The following PCDH9 variants were observed in gnomAD, a reference collection of about 807,000 sequenced individuals.
PCDH9 encodes protocadherin 9.
Under a neutral mutation model 70.6 loss-of-function variants are expected in PCDH9, and 24 were observed. That is an observed-to-expected ratio of 0.34 (90% CI 0.25 to 0.48). The LOEUF (loss-of-function observed/expected upper bound fraction) is 0.48. PCDH9 is among the 20% of genes least tolerant of loss of function. The pLI, the probability that PCDH9 is intolerant of heterozygous loss-of-function variation, is 0.99. For synonymous variants in PCDH9, 562 were observed against 558.5 expected (o/e 1.01, Z -0.09); for missense variants, 1,281 against 1,503.6 (o/e 0.85, Z 2.45).
intron 2 of PCDH9, among the ~76,000 whole-genome samples, chr13:66,921,152 CA>C (rs2139643271): frequency 6.6e-6 from 1 of 151,160 alleles, no homozygotes; most frequent in African/African-American, 2.4e-5. Context: ...AATCTAAGAG[CA>C]GATAACTGAG....
chr13:66,931,004 C>A (rs896805871), intron 2 of PCDH9, among the ~76,000 whole-genome samples: 3 of 152,140 alleles, frequency 2.0e-5, no homozygotes, highest in African/African-American at 7.2e-5. Flanking sequence ...CATTAAGTGG[C>A]AGCACACACT....
At chr13:67,085,852 C>T (rs1019388706) in intron 2 of PCDH9, among the ~76,000 whole-genome samples, 1 of 152,160 alleles carries the variant, frequency 6.6e-6, no homozygotes, top group African/African-American at 2.4e-5. Flanking sequence ...GCCTAGTTAA[C>T]ATGAATGAAT....
At chr13:67,212,354 TA>T (rs1272039468) in intron 2 of PCDH9, 2 of 152,060 alleles carry the variant, frequency 1.3e-5, no homozygotes, top group African/African-American at 4.8e-5. Flanking sequence ...AGTGAACTCA[TA>T]TTTTTTTTAA....
intron 2 of PCDH9, among the ~76,000 whole-genome samples, chr13:66,910,062 T>C (rs912639344): frequency 3.9e-5 from 6 of 152,172 alleles, no homozygotes; most frequent in Non-Finnish European, 7.3e-5. Flanking sequence ...ATTCCAGATC[T>C]TTCCACCTAG....
chr13:66,361,167 A>G (rs1268523493), intron 4 of PCDH9, among the ~76,000 whole-genome samples: 4 of 152,158 alleles, frequency 2.6e-5, no homozygotes, highest in African/African-American at 9.7e-5. Flanking sequence ...CTACGGACCC[A>G]CAATGACTTT....
chr13:66,533,533 A>C (rs1296285015), intron 4 of PCDH9, among the ~76,000 whole-genome samples: 1 of 152,118 alleles, frequency 6.6e-6, no homozygotes, highest in African/African-American at 2.4e-5. Context: ...TGTTCCCTGG[A>C]TCCTAAGATT....
chr13:66,983,296 T>A (rs900065726), intron 2 of PCDH9, among the ~76,000 whole-genome samples: 3 of 151,950 alleles, frequency 2.0e-5, no homozygotes, highest in Non-Finnish European at 1.5e-5. Flanking sequence ...CATAAAAAAA[T>A]TTAAAAATTA....
intron 4 of PCDH9, among the ~76,000 whole-genome samples, chr13:66,305,927 A>T (rs1955457311): frequency 6.6e-6 from 1 of 152,104 alleles, no homozygotes; most frequent in Admixed American, 6.6e-5. Flanking sequence ...CTGACTGTTT[A>T]AAATAGAAAT....
At chr13:66,648,995 T>G (rs1037626386) in intron 3 of PCDH9, among the ~76,000 whole-genome samples, 1 of 151,896 alleles carries the variant, frequency 6.6e-6, no homozygotes. Flanking sequence ...ACATGCTACT[T>G]AAAAATACAC....
chr13:66,396,347 A>G (rs1186358382), intron 4 of PCDH9, among the ~76,000 whole-genome samples: 1 of 152,140 alleles, frequency 6.6e-6, no homozygotes, highest in Admixed American at 6.5e-5. Flanking sequence ...ACATAATCTA[A>G]CCCTTGCCAA....
intron 4 of PCDH9, among the ~76,000 whole-genome samples, chr13:66,626,338 T>C (rs907195425): frequency 6.6e-6 from 1 of 152,040 alleles, no homozygotes; most frequent in Non-Finnish European, 1.5e-5. Flanking sequence ...GTCAGGAAGA[T>C]CCCTAAAAGT....
intron 3 of PCDH9, among the ~76,000 whole-genome samples, chr13:66,901,617 A>G (rs1037787573): frequency 6.6e-5 from 10 of 151,816 alleles, no homozygotes; most frequent in Non-Finnish European, 1.3e-4. Flanking sequence ...GACTAATAAT[A>G]TAAATAAACA....
At chr13:67,127,604 C>A (rs1330887194) in intron 2 of PCDH9, among the ~76,000 whole-genome samples, 2 of 151,438 alleles carry the variant, frequency 1.3e-5, no homozygotes, top group East Asian at 3.9e-4. Flanking sequence ...TTAGGGCATG[C>A]CAAGTTACTC....
At chr13:66,772,822 C>G (rs1481538874) in intron 3 of PCDH9, among the ~76,000 whole-genome samples, 1 of 151,722 alleles carries the variant, frequency 6.6e-6, no homozygotes, top group Non-Finnish European at 1.5e-5. Context: ...TGTCACTGGG[C>G]TATCAATATT....
intron 3 of PCDH9, among the ~76,000 whole-genome samples, chr13:66,758,030 TAAG>T (rs1426243017): frequency 6.6e-6 from 1 of 152,064 alleles, no homozygotes; most frequent in East Asian, 1.9e-4. Context: ...GTTATTGGCA[TAAG>T]AATAATAAAG....
At chr13:66,476,056 C>A (rs1002661355) in intron 4 of PCDH9, among the ~76,000 whole-genome samples, 1 of 152,016 alleles carries the variant, frequency 6.6e-6, no homozygotes, top group Non-Finnish European at 1.5e-5. Context: ...GTGCCCCTTC[C>A]TTGGTGAGAA....
At chr13:66,334,977 A>G (rs1956011756) in intron 4 of PCDH9, among the ~76,000 whole-genome samples, 1 of 152,058 alleles carries the variant, frequency 6.6e-6, no homozygotes, top group African/African-American at 2.4e-5. Context: ...ATACCTATCT[A>G]TTCAATAGGT....
At chr13:66,889,125 G>C (rs563867806) in intron 3 of PCDH9, among the ~76,000 whole-genome samples, 3 of 152,182 alleles carry the variant, frequency 2.0e-5, no homozygotes, top group African/African-American at 7.2e-5. Flanking sequence ...GGCCATAAGC[G>C]AGTAGATAGC....
intron 4 of PCDH9, among the ~76,000 whole-genome samples, chr13:66,625,653 A>C (rs1406764489): frequency 8.1e-6 from 1 of 124,030 alleles, no homozygotes; most frequent in African/African-American, 2.9e-5. Context: ...TGGCCAACAT[A>C]TAGTGGAATT....
Sources: allele counts gnomAD v4.1 joint callset (sites outside exome capture counted in the v4.1 genomes callset), GRCh38; gene constraint gnomAD v4.1.1; transcripts MANE v1.5; gene names NCBI Gene and HGNC (gene_info 2026-07-23, HGNC 2026-07-21).